The following FRAS1 variants were observed in gnomAD, a reference collection of about 807,000 sequenced individuals.
The protein encoded by FRAS1 is Fraser extracellular matrix complex subunit 1, also known as extracellular matrix organizing protein FRAS1.
Under a neutral mutation model 435.2 loss-of-function variants are expected in FRAS1, and 290 were observed. The ratio of observed to expected loss-of-function variants is 0.67; its 90% CI spans 0.61 to 0.73. The LOEUF (loss-of-function observed/expected upper bound fraction) is 0.73, where lower values mean the gene tolerates loss of function less well. Among genes scored for constraint, FRAS1 ranks in the 30% least tolerant of loss-of-function variants. The pLI, the probability that FRAS1 is intolerant of heterozygous loss-of-function variation, is 0.00. For synonymous variants in FRAS1, 1,800 were observed against 1,851.0 expected (o/e 0.97, Z 0.71); for missense variants, 4,860 against 5,001.5 (o/e 0.97, Z 0.85).
chr4:78,222,274 T>G (rs1351649742), intron 2 of FRAS1, among the ~76,000 whole-genome samples: 2 of 152,158 alleles, frequency 1.3e-5, no homozygotes, highest in East Asian at 3.9e-4. Flanking sequence ...GTCCAGTTAT[T>G]CAAAGTTGCT....
At chr4:78,387,051 C>T (rs948464098) in intron 28 of FRAS1, among the ~76,000 whole-genome samples, 2 of 152,124 alleles carry the variant, frequency 1.3e-5, no homozygotes, top group African/African-American at 4.8e-5. Context: ...TTTCATACCT[C>T]TTATTAGTCT....
intron 2 of FRAS1, among the ~76,000 whole-genome samples, chr4:78,115,925 T>G (rs191860255): frequency 1.3e-5 from 2 of 152,044 alleles, no homozygotes; most frequent in South Asian, 2.1e-4. Context: ...TGATGTTAGG[T>G]TGTCAATTTT....
intron 35 of FRAS1, 39 bp from the exon 36 acceptor site, chr4:78,429,056 G>GTGTT (rs2110384818): frequency 8.4e-6 from 13 of 1,544,282 alleles, no homozygotes; most frequent in Non-Finnish European, 1.1e-5. Context: ...CTGTGTGTGT[G>GTGTT]TGTGTGTCTC....
Position 78,441,277 on chromosome 4 carries a change from G to A in FRAS1, c.5645G>A (p.Cys1882Tyr). ...IKLSALPKYG[C>Y]IENTGTGDRF... is the part of the protein sequence containing the mutation. ...CTAAGTGCTCTGCCCAAATATGGCT[G>A]CATTGAGAACACAGGAACAGGTACT... Residue 1882 changes from cysteine to tyrosine, a missense_variant, in exon 41 of 74, where the codon TGC becomes TAC. Coordinates refer to ENST00000512123, the MANE Select transcript of FRAS1 (RefSeq NM_025074.7). 1.2e-6 allele frequency: 2 copies of A among 1,612,680 alleles called. No homozygotes were observed. The highest frequency in any genetic ancestry group is 1.7e-6 in the Non-Finnish European group (2 of 1,179,282).
chr4:78,165,950 G>T (rs774427391), intron 2 of FRAS1, among the ~76,000 whole-genome samples: 1 of 152,222 alleles, frequency 6.6e-6, no homozygotes, highest in South Asian at 2.1e-4. Flanking sequence ...GCTCAGATTC[G>T]AAAGATGGGG....
At chr4:78,464,203 G>A in intron 48 of FRAS1, 58 bp downstream of exon 48, 2 of 1,563,930 alleles carry the variant, frequency 1.3e-6, no homozygotes, top group Non-Finnish European at 1.7e-6. Context: ...CATCTTCTTT[G>A]AGTGGAGTAG....
chr4:78,269,966 A>G lies in FRAS1; in HGVS notation c.981+2534A>G, dbSNP rs186740019. On this transcript the variant is annotated intron_variant, in intron 9 of 73. Transcript: ENST00000512123. ...AGAGTGTTTCCTTTTCCAATGAGCA[A>G]GTTAGCCCAGTCTTAGTCGTTGGTC... 2.9e-3 allele frequency among the ~76,000 whole-genome samples: 438 copies of G among 152,274 alleles called. 1 individual carries two copies. The highest frequency in any genetic ancestry group is 9.4e-3 in the African/African-American group (390 of 41,548).
intron 32 of FRAS1, among the ~76,000 whole-genome samples, chr4:78,413,715 C>T (rs1733444833): frequency 6.6e-6 from 1 of 152,148 alleles, no homozygotes; most frequent in African/African-American, 2.4e-5. Context: ...ATCAGGAAGG[C>T]AGCAAGGATG....
intron 23 of FRAS1, among the ~76,000 whole-genome samples, chr4:78,372,288 C>CT (rs1731547462): frequency 2.0e-5 from 3 of 152,244 alleles, no homozygotes; most frequent in Admixed American, 2.0e-4. Context: ...CAGATGCATT[C>CT]TTAGTTGAGT....
chr4:78,439,103 G>A (rs759357706), intron 40 of FRAS1, 39 bp downstream of exon 40: 1 of 1,540,080 alleles, frequency 6.5e-7, no homozygotes, highest in Admixed American at 1.9e-5. Context: ...GAGTACTATA[G>A]AGAGCTGGAA....
intron 66 of FRAS1, among the ~76,000 whole-genome samples, chr4:78,519,020 A>G (rs1329647425): frequency 6.6e-6 from 1 of 152,170 alleles, no homozygotes; most frequent in East Asian, 1.9e-4. Flanking sequence ...ATATTCTCAA[A>G]TTTCAGCCAA....
At chr4:78,411,415 T>C (rs986986112) in intron 31 of FRAS1, among the ~76,000 whole-genome samples, 2 of 152,176 alleles carry the variant, frequency 1.3e-5, no homozygotes, top group African/African-American at 4.8e-5. Flanking sequence ...TCCAGCCGAG[T>C]TGCATGGATT....
chr4:78,432,696 C>T, intron 38 of FRAS1, 92 bp downstream of exon 38: 1 of 1,412,014 alleles, frequency 7.1e-7, no homozygotes, highest in Admixed American at 2.6e-5. Context: ...ATATTTGGGG[C>T]AGCAGGTATA....
At chr4:78,113,330 T>A (rs137994659) in intron 2 of FRAS1, among the ~76,000 whole-genome samples, 3,556 of 152,328 alleles carry the variant, frequency 0.023, 95 homozygotes, top group South Asian at 0.091. Context: ...TATAATCCTT[T>A]GGGTATGTAA....
At chr4:78,466,544 C>T (rs1353148331) in intron 50 of FRAS1, 109 bp downstream of exon 50, 1 of 805,266 alleles carries the variant, frequency 1.2e-6, no homozygotes, top group African/African-American at 1.7e-5. Context: ...CTATCAGTAG[C>T]TAGTAGATTG....
intron 67 of FRAS1, among the ~76,000 whole-genome samples, chr4:78,520,744 G>A (rs576383948): frequency 1.3e-5 from 2 of 152,266 alleles, no homozygotes; most frequent in Admixed American, 6.5e-5. Flanking sequence ...ATTTGAGGTT[G>A]GGTGAATCCA....
Position 78,539,301 on chromosome 4 carries a change from A to G in FRAS1, c.11306A>G (p.Asn3769Ser), listed in dbSNP as rs112039037. The change falls in exon 73 of 74, where the codon AAT becomes AGT. Residue 3769 changes from asparagine to serine, a missense_variant. Asn to Ser is a conservative substitution (Grantham distance 46, BLOSUM62 1). Transcript: ENST00000512123. ...LKHRFLLLDR[N>S]QPEVTDKYFH... ...TTTTTTCTGAAATCCTAGGACCGCAATCAGCCAGAGGTAACTGATAAGTAC... is the reference window on the plus strand; with the variant it reads ...TTTTTTCTGAAATCCTAGGACCGCAGTCAGCCAGAGGTAACTGATAAGTAC... The G allele has an allele frequency of 1.3e-4, 209 of 1,604,200 alleles. No individual in the cohort carries two copies. The African/African-American group carries it at 2.1e-3, about 16-fold the overall frequency.
At chr4:78,063,820 A>G (rs1158085902) in intron 1 of FRAS1, among the ~76,000 whole-genome samples, 2 of 152,208 alleles carry the variant, frequency 1.3e-5, no homozygotes, top group Admixed American at 6.5e-5. Context: ...GTCTTATTTT[A>G]AAGATTAAAT....
At chr4:78,154,352 G>A (rs1177373332) in intron 2 of FRAS1, among the ~76,000 whole-genome samples, 1 of 152,000 alleles carries the variant, frequency 6.6e-6, no homozygotes, top group East Asian at 1.9e-4. Context: ...AGGACATTGA[G>A]GTTTAATGGA....
Sources: gnomAD v4.1 joint callset for allele counts (sites outside exome capture counted in the v4.1 genomes callset) on GRCh38, gnomAD v4.1.1 for gene constraint, MANE v1.5 for transcripts, NCBI Gene and HGNC (gene_info 2026-07-23, HGNC 2026-07-21) for gene names.